Variants in RHOQ observed in about 807,000 individuals in gnomAD.
RHOQ encodes the protein rho-related GTP-binding protein RhoQ.
RHOQ carries 7 observed loss-of-function variants against 25.8 expected under a neutral mutation model. The observed-to-expected ratio is 0.27, with a 90% CI of 0.15 to 0.51. The LOEUF (loss-of-function observed/expected upper bound fraction) is 0.51, where lower values mean the gene tolerates loss of function less well. RHOQ is among the 20% of genes least tolerant of loss of function. RHOQ has a pLI of 0.97. For synonymous variants in RHOQ, 97 were observed against 98.6 expected, an observed-to-expected ratio of 0.98 and a Z score of 0.10; for missense variants, 165 against 260.6, an observed-to-expected ratio of 0.63 and a Z score of 2.53.
In RHOQ at chr2:46,582,364, C is replaced by T. The variant is rs1572763408; in HGVS notation, c.*1281C>T. On this transcript the variant is annotated 3_prime_UTR_variant, in exon 5 of 5. Coordinates refer to ENST00000238738, the MANE Select transcript of RHOQ (RefSeq NM_012249.4). ...TTGGTACACTGGAGCCATTTCTAAT[C>T]TTTCTCTGGGGGGAACAGGCCACAG... 6.6e-6 allele frequency: 1 copy of T among 151,436 alleles called. No individual in the cohort carries two copies. Among genetic ancestry groups the T allele is most frequent in the South Asian group, 2.1e-4 (1 of 4,776 alleles). 9.4% of individuals were successfully genotyped at this position (151,436 alleles called of 1,614,324 possible).
rs1901261 is a variant in RHOQ, at chr2:46,572,614, G to C, written c.202-3473G>C. Reference sequence around the variant, plus strand: ...TCTTTCATTGTTTTGATGTTGAACAGCTGTCTTTAATACACTTTTCTGTAC... The same window carrying C: ...TCTTTCATTGTTTTGATGTTGAACACCTGTCTTTAATACACTTTTCTGTAC... On this transcript the variant is annotated intron_variant, in intron 2 of 4. Transcript: ENST00000238738. 1,892 of 316,344 alleles carry C rather than the reference G, an allele frequency of 6.0e-3. 42 individuals carry two copies. Among genetic ancestry groups the C allele is most frequent in the South Asian group, 0.038 (1,418 of 37,392 alleles). 19.6% of individuals were successfully genotyped at this position (316,344 alleles called of 1,614,324 possible).
At chr2:46,579,913 G>C (rs957741329) in intron 4 of RHOQ, 2 of 151,232 alleles carry the variant, frequency 1.3e-5, no homozygotes, top group African/African-American at 2.4e-5. Flanking sequence ...TCTAGCCTTC[G>C]GCACAACATA....
chr2:46,564,552 C>G (rs1191054631), intron 2 of RHOQ, among the ~76,000 whole-genome samples: 2 of 152,180 alleles, frequency 1.3e-5, no homozygotes, highest in African/African-American at 4.8e-5. Flanking sequence ...ATTTGGCCAG[C>G]AGAGTGGGGC....
chr2:46,557,466 A>ATGTATAG (rs1668442233), intron 2 of RHOQ, among the ~76,000 whole-genome samples: 1 of 152,174 alleles, frequency 6.6e-6, no homozygotes, highest in South Asian at 2.1e-4. Context: ...CCATATATAT[A>ATGTATAG]TGTATAGTAT....
chr2:46,547,120 C>T (rs965755915), intron 2 of RHOQ, among the ~76,000 whole-genome samples: 1 of 152,204 alleles, frequency 6.6e-6, no homozygotes, highest in Non-Finnish European at 1.5e-5. Flanking sequence ...TCAGTTGGTT[C>T]TACTTTCAGA....
chr2:46,564,084 T>C (rs1668656108), intron 2 of RHOQ, among the ~76,000 whole-genome samples: 1 of 152,010 alleles, frequency 6.6e-6, no homozygotes, highest in African/African-American at 2.4e-5. Context: ...GCAGGAGGAT[T>C]GCTTGAGCTC....
At chr2:46,550,676 A>AGCCTCTCTTCCTTCTGTGT (rs1220209222) in intron 2 of RHOQ, among the ~76,000 whole-genome samples, 2 of 152,188 alleles carry the variant, frequency 1.3e-5, no homozygotes, top group Non-Finnish European at 2.9e-5. Flanking sequence ...CACTTCTGTG[A>AGCCTCTCTTCCTTCTGTGT]GCCTCTCTTC....
In RHOQ at chr2:46,556,064, A is replaced by G. The variant is rs1015446123; in HGVS notation, c.201+12252A>G. ...TACCCACCGACAGTCACTCCCCACC[A>G]TTCCTCCTCCCCCGTCTCCTGGCAA... On this transcript the variant is annotated intron_variant, in intron 2 of 4. Coordinates refer to ENST00000238738, the MANE Select transcript of RHOQ (RefSeq NM_012249.4). The surrounding 1 kb of genome is among the most constrained non-coding windows in gnomAD (Gnocchi z 4.9). Among the ~76,000 whole-genome samples the G allele has an allele frequency of 2.6e-5, 4 of 151,664 alleles. No homozygotes were observed. The highest frequency in any genetic ancestry group is 9.7e-5 in the African/African-American group (4 of 41,226).
At chr2:46,578,921 TAG>T (rs1179809376) in intron 4 of RHOQ, among the ~76,000 whole-genome samples, 1 of 152,114 alleles carries the variant, frequency 6.6e-6, no homozygotes, top group African/African-American at 2.4e-5. Flanking sequence ...TATGTATATA[TAG>T]AGAGAAAATA....
rs747796684 is a variant in RHOQ at position 46,581,080 on chromosome 2, G to A, written c.615G>A (p.Thr205=). ...GATGTATAAACTGTTGTTTAATTACGTGAGAAACATCTTCAGTGGCCAAGG... is the reference window on the plus strand; with the variant it reads ...GATGTATAAACTGTTGTTTAATTACATGAGAAACATCTTCAGTGGCCAAGG... ...GSRCINCCLI[T] is the part of the protein sequence containing the mutation. The change falls in exon 5 of 5, where the codon ACG becomes ACA. Residue 205 remains threonine (T), a synonymous_variant. Coordinates refer to ENST00000238738, the MANE Select transcript of RHOQ (RefSeq NM_012249.4). The A allele has an allele frequency of 3.1e-5, 48 of 1,524,912 alleles. No individual in the cohort carries two copies. The highest frequency in any genetic ancestry group is 3.7e-5 in the Non-Finnish European group (42 of 1,140,714). The allele number at this position is 1,524,912 out of a possible 1,614,324, so 94.5% of individuals were successfully genotyped here. A position where few individuals can be genotyped will look rare whatever the true frequency, so the allele number is the denominator to read the frequency against.
At position 46,545,439 on chromosome 2, in the gene RHOQ, T is replaced by C. The variant is rs571886638; in HGVS notation, c.201+1627T>C. Among the ~76,000 whole-genome samples, 3 of 152,366 alleles carry C rather than the reference T, an allele frequency of 2.0e-5. No individual in the cohort carries two copies. In the South Asian group the frequency reaches 6.2e-4, roughly 32 times the overall value. On this transcript the variant is annotated intron_variant, in intron 2 of 4. Transcript: ENST00000238738. The stretch of plus-strand genomic sequence containing the variant: ...TCAACAGGATGTGTGTAGTCAGAGC[T>C]GTTCTGAGTATGTTTAAACCCTGCT...
intron 4 of RHOQ, among the ~76,000 whole-genome samples, chr2:46,578,256 G>GTT (rs1669205682): frequency 6.6e-6 from 1 of 152,006 alleles, no homozygotes; most frequent in Non-Finnish European, 1.5e-5. Flanking sequence ...TTGTACTATT[G>GTT]GTCATTGAAT....
chr2:46,567,785 C>T (rs1457194017), intron 2 of RHOQ, among the ~76,000 whole-genome samples: 1 of 151,980 alleles, frequency 6.6e-6, no homozygotes, highest in African/African-American at 2.4e-5. Flanking sequence ...GTCTGAGGGC[C>T]GTGGCTCATG....
intron 4 of RHOQ, among the ~76,000 whole-genome samples, chr2:46,578,687 T>G (rs540012701): frequency 9.9e-4 from 130 of 131,516 alleles, no homozygotes; most frequent in African/African-American, 3.5e-3. Context: ...GCCCAGGAGG[T>G]GGAGGTTGCA....
intron 2 of RHOQ, among the ~76,000 whole-genome samples, chr2:46,550,055 C>T (rs78937425): frequency 6.6e-6 from 1 of 151,902 alleles, no homozygotes; most frequent in Non-Finnish European, 1.5e-5. Context: ...AACAAGACCC[C>T]CAATTCTACT....
intron 2 of RHOQ, among the ~76,000 whole-genome samples, chr2:46,544,316 C>T (rs1473683617): frequency 2.0e-5 from 3 of 152,010 alleles, no homozygotes; most frequent in African/African-American, 4.8e-5. Flanking sequence ...TCCCTGAAAA[C>T]GTAATTTGTG....
At chr2:46,563,676 A>G (rs1326381761) in intron 2 of RHOQ, among the ~76,000 whole-genome samples, 2 of 152,044 alleles carry the variant, frequency 1.3e-5, no homozygotes, top group Admixed American at 1.3e-4. Context: ...TTGCAGGGTA[A>G]TTCTGCAAGA....
At chr2:46,570,641 G>A (rs761533280) in intron 2 of RHOQ, among the ~76,000 whole-genome samples, 8 of 152,158 alleles carry the variant, frequency 5.3e-5, no homozygotes, top group Non-Finnish European at 8.8e-5. Flanking sequence ...TGCCTGTTTT[G>A]GACTTCTCGC....
At chr2:46,574,705 G>T (rs976037372) in intron 2 of RHOQ, among the ~76,000 whole-genome samples, 2 of 152,216 alleles carry the variant, frequency 1.3e-5, no homozygotes, top group Admixed American at 1.3e-4. Flanking sequence ...CCCTTCAAAA[G>T]CATCACAGAA....
Sources: allele counts gnomAD v4.1 joint callset (sites outside exome capture counted in the v4.1 genomes callset), GRCh38; gene constraint gnomAD v4.1.1; non-coding constraint Gnocchi (gnomAD v3.1); transcripts MANE v1.5; gene names NCBI Gene and HGNC (gene_info 2026-07-23, HGNC 2026-07-21).